MSN: variants seen among roughly 807,000 people sequenced by gnomAD.
MSN encodes moesin.
Under a neutral mutation model 48.0 loss-of-function variants are expected in MSN, and 2 were observed. The observed-to-expected ratio is 0.04, with a 90% CI of 0.02 to 0.13. The LOEUF (loss-of-function observed/expected upper bound fraction) is 0.13, where lower values mean the gene tolerates loss of function less well. MSN is among the 10% of genes least tolerant of loss of function. The pLI, the probability that MSN is intolerant of heterozygous loss-of-function variation, is 1.00. For missense variants in MSN, 267 were observed against 470.1 expected, an observed-to-expected ratio of 0.57 and a Z score of 3.99; for synonymous variants, 146 against 166.9, an observed-to-expected ratio of 0.87 and a Z score of 0.97.
At chrX:65,621,212 G>A (rs1016537084) in intron 1 of MSN, among the ~76,000 whole-genome samples, 7 of 111,669 alleles carry the variant, frequency 6.3e-5, no homozygotes, top group African/African-American at 2.3e-4. Context: ...TCCGTGCCCT[G>A]CCCAGATTGA....
intron 1 of MSN, among the ~76,000 whole-genome samples, chrX:65,703,318 C>T (rs914467013): frequency 9.0e-6 from 1 of 110,942 alleles, no homozygotes; most frequent in Non-Finnish European, 1.9e-5. Context: ...TAACTTAAAT[C>T]TCCCAATAAC....
intron 1 of MSN, among the ~76,000 whole-genome samples, chrX:65,603,051 T>C (rs1027137912): frequency 2.7e-5 from 3 of 112,145 alleles, no homozygotes; most frequent in Non-Finnish European, 5.6e-5. Context: ...CCCAGCACTT[T>C]GGGAGGCCAA....
chrX:65,616,212 C>T (rs1162845560), intron 1 of MSN, among the ~76,000 whole-genome samples: 3 of 109,840 alleles, frequency 2.7e-5, no homozygotes, highest in Non-Finnish European at 1.9e-5. Flanking sequence ...TCCATATGAA[C>T]TTTAAAGTGG....
chrX:65,617,148 G>A (rs1041255841), intron 1 of MSN, among the ~76,000 whole-genome samples: 21 of 105,833 alleles, frequency 2.0e-4, no homozygotes, highest in African/African-American at 7.8e-4. Flanking sequence ...TGTTCATCAA[G>A]GATATTGGTC....
chrX:65,619,501 G>A (rs1399195617), intron 1 of MSN, among the ~76,000 whole-genome samples: 7 of 98,542 alleles, frequency 7.1e-5, no homozygotes, highest in East Asian at 2.8e-4. Context: ...TGATCGCATC[G>A]GCTCCTGAGG....
chrX:65,588,775 C>A (rs1034123965), intron 1 of MSN: 3 of 252,629 alleles, frequency 1.2e-5, no homozygotes, highest in Non-Finnish European at 1.7e-5. Context: ...GGTGTTTTGA[C>A]CCCCACCCCC....
At chrX:65,712,105 G>A (rs1165043650) in intron 1 of MSN, among the ~76,000 whole-genome samples, 1 of 110,723 alleles carries the variant, frequency 9.0e-6, no homozygotes, top group East Asian at 2.8e-4. Flanking sequence ...CAGTCCAATG[G>A]CCCCATCCTA....
intron 1 of MSN, chrX:65,624,979 C>G (rs867848861): frequency 3.5e-4 from 39 of 111,760 alleles, no homozygotes; most frequent in Middle Eastern, 4.6e-3. Context: ...TTTTGGTATG[C>G]TGTGTTTTCA....
At chrX:65,633,458 CA>C (rs2070574308) in intron 1 of MSN, among the ~76,000 whole-genome samples, 1 of 112,414 alleles carries the variant, frequency 8.9e-6, no homozygotes, top group South Asian at 3.7e-4. Flanking sequence ...CTTAATTAAT[CA>C]CATCTCAGTT....
intron 2 of MSN, among the ~76,000 whole-genome samples, chrX:65,719,805 A>G (rs997362344): frequency 1.8e-5 from 2 of 111,744 alleles, no homozygotes; most frequent in Non-Finnish European, 3.8e-5. Context: ...GTATATGTGC[A>G]TTGCAGGGGG....
intron 1 of MSN, among the ~76,000 whole-genome samples, chrX:65,609,739 C>T (rs981898849): frequency 9.0e-6 from 1 of 111,270 alleles, no homozygotes; most frequent in African/African-American, 3.3e-5. Flanking sequence ...AAAAATTAGC[C>T]GGGCGTGGTG....
intron 1 of MSN, among the ~76,000 whole-genome samples, chrX:65,627,716 C>T (rs2070519453): frequency 9.0e-6 from 1 of 110,974 alleles, no homozygotes; most frequent in South Asian, 3.8e-4. Context: ...CCCAACAGTC[C>T]CCAAAAATCT....
At position 65,667,823 on chromosome X, in the gene MSN, C is replaced by G. The variant is rs370473062; in HGVS notation, c.-19C>G. On this transcript the variant is annotated 5_prime_UTR_variant, in exon 1 of 13. Transcript: ENST00000360270. ...AGTCCTAGCTAAACTTCGCCAACTC[C>G]GCTGCCTTTGCCGCCACCATGCCCA... 7 of 1,209,366 alleles carry G rather than the reference C, an allele frequency of 5.8e-6. No individual in the cohort carries two copies. The Admixed American group carries it at 1.3e-4, about 23-fold the overall frequency.
intron 1 of MSN, among the ~76,000 whole-genome samples, chrX:65,594,563 A>G (rs746218190): frequency 4.8e-4 from 54 of 111,347 alleles, no homozygotes; most frequent in Admixed American, 1.1e-3. Flanking sequence ...AGCATAGAAT[A>G]CCACAGAACA....
Position 65,729,688 on chromosome X carries a change from C to T in MSN, c.443C>T (p.Ala148Val), listed in dbSNP as rs140037207. Residue 148 changes from alanine (A) to valine (V), a missense_variant, in exon 4 of 13, where the codon GCC becomes GTC. Around this residue, in one of 5 missense-constraint regions of MSN, gnomAD observed 89 missense variants for 151.0 expected, o/e 0.59. Coordinates refer to ENST00000360270, the MANE Select transcript of MSN (RefSeq NM_002444.3). ...NKEVHKSGYL[A>V]GDKLLPQRVL... ...GAAGTGCATAAGTCTGGCTACCTGG[C>T]CGGAGACAAGTTGCTCCCGCAGAGG... The T allele has an allele frequency of 4.5e-5, 54 of 1,209,256 alleles. No individual in the cohort carries two copies. Among genetic ancestry groups the T allele is most frequent in the Non-Finnish European group, 5.8e-5 (52 of 894,741 alleles).
At chrX:65,634,381 G>A (rs1461493174) in intron 1 of MSN, among the ~76,000 whole-genome samples, 1 of 112,548 alleles carries the variant, frequency 8.9e-6, no homozygotes, top group Non-Finnish European at 1.9e-5. Flanking sequence ...GGGTGGCCGA[G>A]GTGGGTGGAT....
chrX:65,718,605 C>G (rs941005460), intron 2 of MSN, among the ~76,000 whole-genome samples: 1 of 110,324 alleles, frequency 9.1e-6, no homozygotes, highest in African/African-American at 3.3e-5. Context: ...ATTGCTTGAG[C>G]CCAGGGGCTC....
At chrX:65,654,104 T>C (rs1323250928) in intron 1 of MSN, among the ~76,000 whole-genome samples, 1 of 68,346 alleles carries the variant, frequency 1.5e-5, no homozygotes, top group Non-Finnish European at 2.4e-5. Flanking sequence ...GAGACCCTTC[T>C]TTTTTTTTTT....
chrX:65,610,166 C>T (rs1442816064), intron 1 of MSN, among the ~76,000 whole-genome samples: 2 of 111,696 alleles, frequency 1.8e-5, no homozygotes, highest in Non-Finnish European at 3.8e-5. Context: ...TAATTACATT[C>T]ACAGTGTTGT....
Sources: allele counts gnomAD v4.1 joint callset (sites outside exome capture counted in the v4.1 genomes callset), GRCh38; gene constraint gnomAD v4.1.1; regional missense constraint gnomAD v4.1.1; transcripts MANE v1.5; gene names NCBI Gene and HGNC (gene_info 2026-07-23, HGNC 2026-07-21).